MFHAS1: variants seen among roughly 807,000 people sequenced by gnomAD.
The protein encoded by MFHAS1 is multifunctional ROCO family signaling regulator 1, also known as malignant fibrous histiocytoma-amplified sequence 1.
In MFHAS1, 50 loss-of-function variants were observed where a neutral mutation model predicts 70.4. That is an observed-to-expected ratio of 0.71 (90% CI 0.57 to 0.90). The LOEUF (loss-of-function observed/expected upper bound fraction) is 0.90. MFHAS1 is among the 40% of genes least tolerant of loss of function. The probability of loss-of-function intolerance (pLI) is 0.00; values close to 1 mark genes in which losing one functional copy is unlikely to be tolerated. For missense variants in MFHAS1, 1,795 were observed against 1,347.6 expected, an observed-to-expected ratio of 1.33 and a Z score of -5.20; for synonymous variants, 952 against 620.0, an observed-to-expected ratio of 1.54 and a Z score of -7.96.
chr8:8,832,987 G>A (rs534726107), intron 1 of MFHAS1, among the ~76,000 whole-genome samples: 21 of 152,210 alleles, frequency 1.4e-4, no homozygotes, highest in African/African-American at 3.9e-4. Flanking sequence ...CAAAAAGCAC[G>A]GAAGCATCTG....
intron 1 of MFHAS1, among the ~76,000 whole-genome samples, chr8:8,887,907 G>T (rs568681196): frequency 6.8e-6 from 1 of 147,020 alleles, no homozygotes; most frequent in Non-Finnish European, 1.5e-5. Flanking sequence ...ACTCCTCAAA[G>T]TTCTTAGAAG....
At chr8:8,806,949 A>G (rs2117275178) in intron 1 of MFHAS1, among the ~76,000 whole-genome samples, 1 of 151,984 alleles carries the variant, frequency 6.6e-6, no homozygotes, top group East Asian at 1.9e-4. Context: ...GGACACAGCC[A>G]GACTCTGTCT....
At chr8:8,796,483 A>T (rs1364927584) in intron 2 of MFHAS1, among the ~76,000 whole-genome samples, 1 of 151,790 alleles carries the variant, frequency 6.6e-6, no homozygotes, top group African/African-American at 2.4e-5. Flanking sequence ...GGAGATCGAG[A>T]TCATCCTGGC....
At chr8:8,797,332 G>A in intron 2 of MFHAS1, 33 bp downstream of exon 2, 2 of 1,610,418 alleles carry the variant, frequency 1.2e-6, no homozygotes, top group South Asian at 1.1e-5. Context: ...TCAGGAGCCA[G>A]GTCCCGGGGC....
At chr8:8,881,223 G>T (rs950483210) in intron 1 of MFHAS1, among the ~76,000 whole-genome samples, 3 of 152,170 alleles carry the variant, frequency 2.0e-5, no homozygotes, top group Admixed American at 6.5e-5. Flanking sequence ...CTAAGAGATT[G>T]AGGAAGGAAA....
rs367889110 is a variant in MFHAS1 at position 8,892,924 on chromosome 8, G to T, written c.135C>A (p.Ala45=). Residue 45 remains alanine (A), a synonymous_variant, in exon 1 of 3, where the codon GCC becomes GCA. Coordinates refer to ENST00000276282, the MANE Select transcript of MFHAS1 (RefSeq NM_004225.3). This position sits in a 1 kb window ranked among gnomAD's most constrained non-coding sequence, Gnocchi z 4.7. Reference sequence around the variant, plus strand: ...GGGAGGCGGGGGACTCGAGCGCGTCGGCCCCGGCCCCGGGGCAGGCCCCGG... The same window carrying T: ...GGGAGGCGGGGGACTCGAGCGCGTCTGCCCCGGCCCCGGGGCAGGCCCCGG... ...TAAGACPGAG[A]DALESPASPQ... is the part of the protein sequence containing the mutation. 3 of 1,550,158 alleles carry T rather than the reference G, an allele frequency of 1.9e-6. No individual in the cohort carries two copies. The highest frequency in any genetic ancestry group is 1.7e-6 in the Non-Finnish European group (2 of 1,151,142).
At chr8:8,787,358 G>A (rs573568036) in intron 2 of MFHAS1, among the ~76,000 whole-genome samples, 8 of 152,278 alleles carry the variant, frequency 5.3e-5, no homozygotes, top group Non-Finnish European at 1.0e-4. Context: ...GGGATTACAG[G>A]TGTGAGCCAC....
chr8:8,786,063 G>A lies in MFHAS1; in HGVS notation c.3126-8C>T, dbSNP rs1017840199. ...TTTTCACCAACATTCTTCCTGTATG[G>A]GTGGACAACAAGAAAGCACAGAGAT... On this transcript the variant is annotated splice_polypyrimidine_tract_variant and splice_region_variant and intron_variant, in intron 2 of 2. Coordinates refer to ENST00000276282, the MANE Select transcript of MFHAS1 (RefSeq NM_004225.3). 3.1e-6 allele frequency: 5 copies of A among 1,613,654 alleles called. No homozygotes were observed. Among genetic ancestry groups the A allele is most frequent in the East Asian group, 4.5e-5 (2 of 44,878 alleles).
At chr8:8,844,318 C>G (rs1037020186) in intron 1 of MFHAS1, among the ~76,000 whole-genome samples, 2 of 152,166 alleles carry the variant, frequency 1.3e-5, no homozygotes, top group Admixed American at 1.3e-4. Context: ...GGAAAAATGA[C>G]TCACAGGTAG....
At chr8:8,831,263 T>C (rs191122260) in intron 1 of MFHAS1, among the ~76,000 whole-genome samples, 1 of 151,856 alleles carries the variant, frequency 6.6e-6, no homozygotes, top group African/African-American at 2.4e-5. Flanking sequence ...ACATTGGGGG[T>C]TGGGGCTTCA....
chr8:8,860,888 T>A (rs777673708), intron 1 of MFHAS1, among the ~76,000 whole-genome samples: 1 of 152,228 alleles, frequency 6.6e-6, no homozygotes, highest in African/African-American at 2.4e-5. Flanking sequence ...TACATATTTA[T>A]GTATACATAC....
At chr8:8,863,916 C>A (rs1421059488) in intron 1 of MFHAS1, among the ~76,000 whole-genome samples, 1 of 152,212 alleles carries the variant, frequency 6.6e-6, no homozygotes, top group Non-Finnish European at 1.5e-5. Context: ...CTCACCAGAT[C>A]ACTGCATTTG....
At chr8:8,884,274 T>C (rs57830695) in intron 1 of MFHAS1, among the ~76,000 whole-genome samples, 4,236 of 152,216 alleles carry the variant, frequency 0.028, 196 homozygotes, top group African/African-American at 0.095. Flanking sequence ...TAGTGCCTGA[T>C]TAAGGTTTTG....
At chr8:8,787,159 C>T (rs1416227448) in intron 2 of MFHAS1, among the ~76,000 whole-genome samples, 6 of 151,690 alleles carry the variant, frequency 4.0e-5, no homozygotes, top group Non-Finnish European at 8.8e-5. Flanking sequence ...CGGCTCACTG[C>T]AAGCTCCGCC....
At chr8:8,850,720 G>A (rs1275526441) in intron 1 of MFHAS1, among the ~76,000 whole-genome samples, 3 of 150,762 alleles carry the variant, frequency 2.0e-5, no homozygotes, top group African/African-American at 2.4e-5. Flanking sequence ...CTATAATCAG[G>A]AGGCTGAAGC....
At chr8:8,831,432 C>A (rs919463659) in intron 1 of MFHAS1, among the ~76,000 whole-genome samples, 1 of 152,044 alleles carries the variant, frequency 6.6e-6, no homozygotes, top group African/African-American at 2.4e-5. Context: ...TACAGCCATA[C>A]TACCTGATCT....
chr8:8,847,793 C>A (rs1376033411), intron 1 of MFHAS1, among the ~76,000 whole-genome samples: 2 of 152,204 alleles, frequency 1.3e-5, no homozygotes, highest in Non-Finnish European at 2.9e-5. Flanking sequence ...CCGCTTCAGA[C>A]AGCAGGTGTT....
intron 1 of MFHAS1, among the ~76,000 whole-genome samples, chr8:8,809,474 T>A (rs2117279786): frequency 6.6e-6 from 1 of 152,162 alleles, no homozygotes; most frequent in South Asian, 2.1e-4. Context: ...TCACTGACCC[T>A]AAAAAGGTCT....
At chr8:8,831,393 A>T (rs1328136687) in intron 1 of MFHAS1, among the ~76,000 whole-genome samples, 1 of 152,086 alleles carries the variant, frequency 6.6e-6, no homozygotes, top group Non-Finnish European at 1.5e-5. Flanking sequence ...TGATCGAATA[A>T]ATCCAACTTA....
Sources: gnomAD v4.1 joint callset for allele counts (sites outside exome capture counted in the v4.1 genomes callset) on GRCh38, gnomAD v4.1.1 for gene constraint, Gnocchi (gnomAD v3.1) non-coding constraint, MANE v1.5 for transcripts, NCBI Gene and HGNC (gene_info 2026-07-23, HGNC 2026-07-21) for gene names.